CAST: variants seen among roughly 807,000 people sequenced by gnomAD.
CAST encodes MIR583 host.
CAST carries 76 observed loss-of-function variants against 119.6 expected under a neutral mutation model. That is an observed-to-expected ratio of 0.64 (90% confidence interval 0.53 to 0.77). The LOEUF (loss-of-function observed/expected upper bound fraction) is 0.77, where lower values mean the gene tolerates loss of function less well. Among genes scored for constraint, CAST ranks in the 30% least tolerant of loss-of-function variants. CAST has a pLI of 0.00. For synonymous variants in CAST, 319 were observed against 331.6 expected (o/e 0.96, Z 0.41); for missense variants, 953 against 946.5 (o/e 1.01, Z -0.09).
At chr5:95,968,997 G>T in the CAST span, among the ~76,000 whole-genome samples, 1 of 152,188 alleles carries the variant, frequency 6.6e-6, no homozygotes, top group Non-Finnish European at 1.5e-5. Flanking sequence ...GTTGGGAAAA[G>T]CTCCATGGAA....
the CAST span, among the ~76,000 whole-genome samples, chr5:95,968,771 A>C: frequency 6.6e-6 from 1 of 152,188 alleles, no homozygotes; most frequent in African/African-American, 2.4e-5. Context: ...TATGGCCTCC[A>C]ATATTGGGAA....
chr5:96,699,980 C>T (rs1753697503), intron 3 of CAST, among the ~76,000 whole-genome samples: 1 of 152,202 alleles, frequency 6.6e-6, no homozygotes, highest in Non-Finnish European at 1.5e-5. Context: ...AAGCACCTAT[C>T]AGAGAAATAC....
the CAST span, chr5:96,079,164 G>T: frequency 2.1e-6 from 1 of 475,034 alleles, no homozygotes; most frequent in South Asian, 1.5e-5. Context: ...AAAGAGGAAG[G>T]TCCCATTACT....
chr5:96,433,133 CT>C, the CAST span: 1 of 1,251,690 alleles, frequency 8.0e-7, no homozygotes, highest in Non-Finnish European at 1.2e-6. Context: ...CCTTCCCACC[CT>C]CGGGCTCTAG....
chr5:96,326,515 T>C, the CAST span, among the ~76,000 whole-genome samples: 1 of 152,158 alleles, frequency 6.6e-6, no homozygotes, highest in African/African-American at 2.4e-5. Context: ...AGCTCAAGCA[T>C]CTTTTTCTAG....
chr5:96,012,687 G>T, the CAST span, among the ~76,000 whole-genome samples: 1 of 152,216 alleles, frequency 6.6e-6, no homozygotes, highest in South Asian at 2.1e-4. Flanking sequence ...GAATATTTCT[G>T]GTTGTCTAGT....
chr5:96,757,430 T>TC lies in CAST; in HGVS notation c.1711-7dup, dbSNP rs761169263. The stretch of plus-strand genomic sequence containing the variant: ...TAAAATGATTTCATGCCATGTGTTT[T>TC]CCCCCCCGGATAGGATAAAGATGGA... On this transcript the variant is annotated splice_polypyrimidine_tract_variant and intron_variant, in intron 22 of 31. Coordinates refer to ENST00000675179, the MANE Select transcript of CAST (RefSeq NM_001750.7). The TC allele has an allele frequency of 1.7e-5, 27 of 1,611,858 alleles. No homozygotes were observed. Among genetic ancestry groups the TC allele is most frequent in the African/African-American group, 8.0e-5 (6 of 74,912 alleles).
chr5:96,400,338 T>A, the CAST span: 11 of 668,596 alleles, frequency 1.6e-5, no homozygotes, highest in Non-Finnish European at 3.0e-5. Flanking sequence ...TGTTCATATA[T>A]CTTTTCATTC....
At chr5:96,723,431 A>T (rs1758667748) in intron 4 of CAST, among the ~76,000 whole-genome samples, 1 of 152,346 alleles carries the variant, frequency 6.6e-6, no homozygotes, top group South Asian at 2.1e-4. Flanking sequence ...ATGAAAGATT[A>T]TACTAAATGA....
the CAST span, among the ~76,000 whole-genome samples, chr5:96,275,766 A>C: frequency 6.6e-6 from 1 of 152,212 alleles, no homozygotes; most frequent in Admixed American, 6.5e-5. Flanking sequence ...AGTTTGGTCC[A>C]GCTTATTAAG....
intron 1 of CAST, among the ~76,000 whole-genome samples, chr5:96,554,619 A>T (rs1746197321): frequency 6.6e-6 from 1 of 152,238 alleles, no homozygotes; most frequent in Non-Finnish European, 1.5e-5. Flanking sequence ...TGAACAGGCA[A>T]CCTACAGAAT....
chr5:95,961,892 C>T, the CAST span: 136 of 867,922 alleles, frequency 1.6e-4, no homozygotes, highest in East Asian at 3.6e-3. Flanking sequence ...CGCCACCCGC[C>T]CCACCCTCCG....
At chr5:96,728,620 G>T (rs1759773589) in intron 6 of CAST, 2 of 152,504 alleles carry the variant, frequency 1.3e-5, no homozygotes, top group African/African-American at 4.8e-5. Flanking sequence ...GGGACTACAG[G>T]CACCCGCCAC....
chr5:96,542,270 C>A (rs138890500), intron 1 of CAST, among the ~76,000 whole-genome samples: 2 of 150,460 alleles, frequency 1.3e-5, no homozygotes, highest in Non-Finnish European at 3.0e-5. Flanking sequence ...GAGATCGCGC[C>A]ACTGCACTCC....
chr5:96,419,449 A>G, the CAST span, among the ~76,000 whole-genome samples: 3 of 148,234 alleles, frequency 2.0e-5, no homozygotes, highest in African/African-American at 7.4e-5. Flanking sequence ...CTCTCTCTCT[A>G]TATATATATA....
At chr5:96,565,891 C>T (rs537422846) in intron 1 of CAST, among the ~76,000 whole-genome samples, 155 of 152,312 alleles carry the variant, frequency 1.0e-3, no homozygotes, top group Middle Eastern at 3.4e-3. Flanking sequence ...AGAATTTCAA[C>T]AGGCATATTT....
At chr5:95,979,856 G>A in the CAST span, among the ~76,000 whole-genome samples, 3 of 152,134 alleles carry the variant, frequency 2.0e-5, no homozygotes, top group South Asian at 6.2e-4. Context: ...GGTGGCTCAA[G>A]CCTGTTATCC....
the CAST span, among the ~76,000 whole-genome samples, chr5:96,208,946 A>G: frequency 6.6e-6 from 1 of 151,688 alleles, no homozygotes; most frequent in Non-Finnish European, 1.5e-5. Context: ...TTATTATTGT[A>G]TTGTTATCTA....
At chr5:96,041,583 A>G in the CAST span, among the ~76,000 whole-genome samples, 1 of 152,174 alleles carries the variant, frequency 6.6e-6, no homozygotes. Flanking sequence ...ATGTATAAAT[A>G]TGAGTTCACT....
Sources: allele counts gnomAD v4.1 joint callset (sites outside exome capture counted in the v4.1 genomes callset), GRCh38; gene constraint gnomAD v4.1.1; transcripts MANE v1.5; gene names NCBI Gene and HGNC (gene_info 2026-07-23, HGNC 2026-07-21).